The following FAF1 variants were observed in gnomAD, a reference collection of about 807,000 sequenced individuals.
FAF1 encodes Fas associated factor 1, also known as FAS-associated factor 1.
In FAF1, 25 loss-of-function variants were observed where a neutral mutation model predicts 92.5. The ratio of observed to expected loss-of-function variants is 0.27; its 90% CI spans 0.20 to 0.38. FAF1 has a LOEUF of 0.38. Among genes scored for constraint, FAF1 ranks in the 10% least tolerant of loss-of-function variants. FAF1 has a pLI of 1.00. For synonymous variants in FAF1, 234 were observed against 273.2 expected (o/e 0.86, Z 1.42); for missense variants, 636 against 793.3 (o/e 0.80, Z 2.38).
At chr1:50,478,411 C>T (rs1646663851) in intron 17 of FAF1, among the ~76,000 whole-genome samples, 1 of 152,162 alleles carries the variant, frequency 6.6e-6, no homozygotes, top group Non-Finnish European at 1.5e-5. Flanking sequence ...GATCCATCCA[C>T]CTAGGTCTCC....
Position 50,689,325 on chromosome 1 carries a change from C to A in FAF1, c.657+16461G>T, listed in dbSNP as rs1435612328. ...CCAGGCCAGGCGCAGTGGCTCACGC[C>A]TGTAATCCCAGCACTTTCAGAGGCC... On this transcript the variant is annotated intron_variant, in intron 7 of 18. Coordinates refer to ENST00000396153, the MANE Select transcript of FAF1 (RefSeq NM_007051.3). Among the ~76,000 whole-genome samples, 5 of 152,330 alleles carry A rather than the reference C, an allele frequency of 3.3e-5. No homozygotes were observed. In the East Asian group the frequency reaches 9.6e-4, roughly 29 times the overall value.
At chr1:50,512,864 T>C (rs1299498271) in intron 15 of FAF1, among the ~76,000 whole-genome samples, 1 of 152,254 alleles carries the variant, frequency 6.6e-6, no homozygotes, top group Non-Finnish European at 1.5e-5. Context: ...TTTGTATTCA[T>C]GAGCAAGGTT....
chr1:50,959,917 G>A lies in FAF1; in HGVS notation c.-106C>T, dbSNP rs1645302330. On this transcript the variant is annotated 5_prime_UTR_variant, in exon 1 of 19. Coordinates refer to ENST00000396153, the MANE Select transcript of FAF1 (RefSeq NM_007051.3). ...ACCGCCGCCGCCGCCGCCGGGCGCC[G>A]AGGGGCTGGCGGGCGAGCCGGCGGG... is the stretch of plus-strand genomic sequence containing the variant. 1 of 690,592 alleles carries A rather than the reference G, an allele frequency of 1.4e-6. No homozygotes were observed. Among genetic ancestry groups the A allele is most frequent in the Non-Finnish European group, 1.9e-6 (1 of 522,674 alleles). The allele number at this position is 690,592 out of a possible 1,614,324, so 42.8% of individuals were successfully genotyped here.
intron 6 of FAF1, among the ~76,000 whole-genome samples, chr1:50,711,260 T>C (rs559231602): frequency 2.6e-5 from 4 of 152,180 alleles, no homozygotes; most frequent in South Asian, 2.1e-4. Flanking sequence ...TACAACTTAC[T>C]GAAAACAGAA....
intron 5 of FAF1, among the ~76,000 whole-genome samples, chr1:50,744,471 C>T (rs954197782): frequency 2.0e-5 from 3 of 152,170 alleles, no homozygotes; most frequent in Admixed American, 1.3e-4. Context: ...ATACTGTTTT[C>T]ATTTACAAAT....
chr1:50,726,688 G>A (rs1472700681), intron 6 of FAF1, among the ~76,000 whole-genome samples: 1 of 152,102 alleles, frequency 6.6e-6, no homozygotes, highest in Non-Finnish European at 1.5e-5. Context: ...AATTATCTGG[G>A]CGTGGTGGCG....
chr1:50,917,543 A>T (rs1239919893), intron 1 of FAF1, among the ~76,000 whole-genome samples: 1 of 151,982 alleles, frequency 6.6e-6, no homozygotes, highest in Non-Finnish European at 1.5e-5. Flanking sequence ...TCAGATAACT[A>T]AAAAGCTTAA....
intron 1 of FAF1, among the ~76,000 whole-genome samples, chr1:50,906,011 C>T (rs539131309): frequency 2.6e-5 from 4 of 152,068 alleles, no homozygotes; most frequent in Admixed American, 6.6e-5. Flanking sequence ...TATGGTTTTA[C>T]GTCTAACATT....
At chr1:50,724,544 T>C (rs1377341627) in intron 6 of FAF1, among the ~76,000 whole-genome samples, 3 of 152,114 alleles carry the variant, frequency 2.0e-5, no homozygotes, top group African/African-American at 7.2e-5. Context: ...GTAAGTTTCT[T>C]TTGCTTTTTC....
intron 15 of FAF1, among the ~76,000 whole-genome samples, chr1:50,494,061 A>T (rs1422947061): frequency 3.9e-5 from 6 of 152,254 alleles, no homozygotes; most frequent in Admixed American, 3.9e-4. Flanking sequence ...CCATCCTGAC[A>T]GATGGGCTGG....
intron 15 of FAF1, among the ~76,000 whole-genome samples, chr1:50,528,921 G>A (rs1647985462): frequency 6.6e-6 from 1 of 152,094 alleles, no homozygotes; most frequent in African/African-American, 2.4e-5. Flanking sequence ...TTCTTCCTTA[G>A]GATTTTCTTA....
At chr1:50,518,686 C>T (rs549376560) in intron 15 of FAF1, among the ~76,000 whole-genome samples, 7 of 152,210 alleles carry the variant, frequency 4.6e-5, no homozygotes, top group African/African-American at 1.7e-4. Flanking sequence ...GTGATCTGCC[C>T]ACCTCGGCCT....
chr1:50,676,837 A>G (rs1282867024), intron 7 of FAF1, among the ~76,000 whole-genome samples: 1 of 152,106 alleles, frequency 6.6e-6, no homozygotes, highest in Middle Eastern at 3.2e-3. Context: ...ATATATGCAT[A>G]TATATTTTTT....
intron 7 of FAF1, among the ~76,000 whole-genome samples, chr1:50,683,946 AG>A (rs1232863455): frequency 6.6e-6 from 1 of 151,770 alleles, no homozygotes; most frequent in Non-Finnish European, 1.5e-5. Flanking sequence ...AAAAAAAAAA[AG>A]TAATATTTTA....
At chr1:50,666,869 A>G (rs1480778465) in intron 7 of FAF1, among the ~76,000 whole-genome samples, 1 of 152,208 alleles carries the variant, frequency 6.6e-6, no homozygotes, top group African/African-American at 2.4e-5. Context: ...TGGGTGACAG[A>G]GTGAGACTCC....
chr1:50,852,248 AC>A (rs1193136392), intron 2 of FAF1, among the ~76,000 whole-genome samples: 1 of 152,192 alleles, frequency 6.6e-6, no homozygotes, highest in African/African-American at 2.4e-5. Flanking sequence ...CTTTCCTCAA[AC>A]CTTATGTTTG....
At chr1:50,444,772 T>C (rs1299324856) in intron 18 of FAF1, among the ~76,000 whole-genome samples, 1 of 152,194 alleles carries the variant, frequency 6.6e-6, no homozygotes, top group Non-Finnish European at 1.5e-5. Context: ...TACGATTCTT[T>C]CCATTTTATG....
In FAF1 at chr1:50,674,764, C is replaced by T. The variant is rs58818877; in HGVS notation, c.658-19236G>A. 6.5e-3 allele frequency among the ~76,000 whole-genome samples: 986 copies of T among 152,210 alleles called. 19 individuals carry two copies. Among genetic ancestry groups the T allele is most frequent in the African/African-American group, 0.023 (941 of 41,524 alleles). On this transcript the variant is annotated intron_variant, in intron 7 of 18. Coordinates refer to ENST00000396153, the MANE Select transcript of FAF1 (RefSeq NM_007051.3). ...ATTTCAGAGCATCATTCTCTCAATT[C>T]CCCAACATTATCACTCATGCTTCAT...
chr1:50,874,700 G>A (rs557830172), intron 1 of FAF1, among the ~76,000 whole-genome samples: 1 of 145,472 alleles, frequency 6.9e-6, no homozygotes, highest in South Asian at 2.2e-4. Flanking sequence ...AAAAAAGTCA[G>A]AAATGTTTAT....
Sources: allele counts gnomAD v4.1 joint callset (sites outside exome capture counted in the v4.1 genomes callset), GRCh38; gene constraint gnomAD v4.1.1; transcripts MANE v1.5; gene names NCBI Gene and HGNC (gene_info 2026-07-23, HGNC 2026-07-21).